Variants in CACNA1H observed in about 807,000 individuals in gnomAD.
The protein encoded by CACNA1H is calcium voltage-gated channel subunit alpha1 H, also known as voltage-dependent T-type calcium channel subunit alpha-1H.
CACNA1H carries 149 observed loss-of-function variants against 192.5 expected under a neutral mutation model. The ratio of observed to expected loss-of-function variants is 0.77; its 90% CI spans 0.68 to 0.89. The LOEUF (loss-of-function observed/expected upper bound fraction) is 0.89, where lower values mean the gene tolerates loss of function less well. CACNA1H is among the 40% of genes least tolerant of loss of function. The pLI is 0.00. For synonymous variants in CACNA1H, 2,202 were observed against 1,475.2 expected, an observed-to-expected ratio of 1.49 and a Z score of -11.29; for missense variants, 4,257 against 3,423.5, an observed-to-expected ratio of 1.24 and a Z score of -6.08.
Position 1,212,120 on chromosome 16 carries a change from C to G in CACNA1H, c.4741C>G (p.Leu1581Val), listed in dbSNP as rs755918582. The G allele has an allele frequency of 6.7e-5, 108 of 1,607,952 alleles. No individual in the cohort carries two copies. The Admixed American group carries it at 9.5e-4, about 14-fold the overall frequency. Residue 1581 changes from leucine (L) to valine (V), a missense_variant, in exon 25 of 35, where the codon CTA (leucine) becomes GTA (valine). Physicochemically the swap from Leu to Val is conservative, Grantham distance 32. Transcript: ENST00000348261. ...GCGAGAGGAGAAGCGGCTGCGGCGC[C>G]TAGAGAGGAGGCGCAGGAGTAAGGC... ...RRREEKRLRR[L>V]ERRRRSTFPS...
At chr16:1,205,035 T>C in intron 10 of CACNA1H, 79 bp from the exon 11 acceptor site, 1 of 887,870 alleles carries the variant, frequency 1.1e-6, no homozygotes, top group Admixed American at 4.1e-5. Context: ...GAGCCACGGG[T>C]GGGGGCCCCA....
At chr16:1,196,061 G>A (rs372302822) in intron 5 of CACNA1H, 38 bp downstream of exon 5, 2 of 1,520,766 alleles carry the variant, frequency 1.3e-6, no homozygotes, top group Non-Finnish European at 1.8e-6. Flanking sequence ...AGATCAACAG[G>A]CTTGCGTGTC....
chr16:1,215,857 G>A (rs1342717286), intron 30 of CACNA1H, among the ~76,000 whole-genome samples: 1 of 150,516 alleles, frequency 6.6e-6, no homozygotes, highest in African/African-American at 2.4e-5. Context: ...CGGGGGCCGT[G>A]GAGAGCCAGA....
chr16:1,220,972 G>C lies in CACNA1H; in HGVS notation c.7040G>C (p.Gly2347Ala), dbSNP rs1290830394. ...GSPSATPAPG[G>A]GADDPV is the part of the protein sequence containing the mutation. ...CCCTCAGCCACCCCTGCCCCAGGGGGTGGTGCAGATGACCCCGTGTAGCTC... is the reference window on the plus strand; with the variant it reads ...CCCTCAGCCACCCCTGCCCCAGGGGCTGGTGCAGATGACCCCGTGTAGCTC... The change falls in exon 35 of 35, where the codon GGT becomes GCT. Residue 2347 changes from glycine (G) to alanine (A), a missense_variant. Physicochemically the swap from Gly to Ala is moderately conservative, Grantham distance 60 (BLOSUM62 0). Transcript: ENST00000348261. 1 of 1,600,756 alleles carries C rather than the reference G, an allele frequency of 6.2e-7. No homozygotes were observed. The highest frequency in any genetic ancestry group is 8.5e-7 in the Non-Finnish European group (1 of 1,173,836).
At chr16:1,209,543 G>A (rs943183148) in intron 17 of CACNA1H, 131 bp downstream of exon 17, 25 of 1,135,216 alleles carry the variant, frequency 2.2e-5, no homozygotes, top group African/African-American at 2.1e-4. Context: ...AGAGAAGCAG[G>A]CCAGGCCAGG....
intron 2 of CACNA1H, among the ~76,000 whole-genome samples, chr16:1,172,479 G>T (rs1964465182): frequency 1.3e-5 from 2 of 152,114 alleles, no homozygotes; most frequent in South Asian, 4.1e-4. Context: ...GGGTGGTCGT[G>T]GGGTCCCCAG....
At position 1,209,375 on chromosome 16, in the gene CACNA1H, G is replaced by A. The variant is rs772473191; in HGVS notation, c.3707G>A (p.Arg1236His). Reference sequence around the variant, plus strand: ...TTCTTCCTGCGCATCGACAGCCACCGTGAGGATGCAGCCGAGCTTGACGAC... The same window carrying A: ...TTCTTCCTGCGCATCGACAGCCACCATGAGGATGCAGCCGAGCTTGACGAC... Reference protein sequence around the residue: ...SDFFLRIDSHREDAAELDDDS... With the variant: ...SDFFLRIDSHHEDAAELDDDS... Residue 1236 changes from arginine to histidine, a missense_variant, in exon 17 of 35, where the codon CGT (arginine) becomes CAT (histidine). Coordinates refer to ENST00000348261, the MANE Select transcript of CACNA1H (RefSeq NM_021098.3). 45 of 1,597,834 alleles carry A rather than the reference G, an allele frequency of 2.8e-5. No individual in the cohort carries two copies. The highest frequency in any genetic ancestry group is 3.3e-5 in the South Asian group (3 of 91,070).
intron 11 of CACNA1H, among the ~76,000 whole-genome samples, chr16:1,205,784 G>A (rs1004813188): frequency 5.3e-5 from 8 of 152,200 alleles, no homozygotes; most frequent in East Asian, 1.9e-4. Flanking sequence ...TGAGCAGAAC[G>A]GACAAGCCAG....
chr16:1,160,424 G>A (rs1016766902), intron 2 of CACNA1H, among the ~76,000 whole-genome samples: 5 of 152,164 alleles, frequency 3.3e-5, no homozygotes, highest in African/African-American at 4.8e-5. Flanking sequence ...CGGCCGCCTC[G>A]GTCAGAGATG....
chr16:1,167,330 G>C lies in CACNA1H; in HGVS notation c.299+13294G>C, dbSNP rs975461691. Among the ~76,000 whole-genome samples, 16 of 152,176 alleles carry C rather than the reference G, an allele frequency of 1.1e-4. No homozygotes were observed. The highest frequency in any genetic ancestry group is 2.4e-4 in the Non-Finnish European group (16 of 68,020). On this transcript the variant is annotated intron_variant, in intron 2 of 34. Coordinates refer to ENST00000348261, the MANE Select transcript of CACNA1H (RefSeq NM_021098.3). This position sits in a 1 kb window ranked among gnomAD's most constrained non-coding sequence, Gnocchi z 4.2. ...CCTTGGATTCCTGACACACGGGTGC[G>C]GGGGCGATATCGGCGCGGAGCGGGC... is the stretch of plus-strand genomic sequence containing the variant.
At chr16:1,170,675 G>A (rs546419725) in intron 2 of CACNA1H, among the ~76,000 whole-genome samples, 1 of 152,096 alleles carries the variant, frequency 6.6e-6, no homozygotes, top group African/African-American at 2.4e-5. Context: ...GGCCCTCCTC[G>A]TGCCCCCACG....
In CACNA1H at chr16:1,213,863, C is replaced by T. The variant is rs950281871; in HGVS notation, c.4861C>T (p.Leu1621Phe). The T allele has an allele frequency of 5.0e-6, 8 of 1,610,396 alleles. No individual in the cohort carries two copies. Among genetic ancestry groups the T allele is most frequent in the African/African-American group, 1.3e-5 (1 of 74,888 alleles). ...GCTGTGCACCAGCCACTATCTCGAC[C>T]TCTTCATCACCTTCATCATCTGTGT... ...HSLCTSHYLD[L>F]FITFIICVNV... is the part of the protein sequence containing the mutation. Residue 1621 changes from leucine to phenylalanine, a missense_variant, in exon 27 of 35, where the codon CTC becomes TTC. Leu to Phe is a conservative substitution (Grantham distance 22). Transcript: ENST00000348261.
chr16:1,213,357 C>T (rs1969680447), intron 26 of CACNA1H, among the ~76,000 whole-genome samples: 1 of 151,986 alleles, frequency 6.6e-6, no homozygotes, highest in South Asian at 2.1e-4. Flanking sequence ...GAGGCCCAGC[C>T]ACGTGCTGCG....
chr16:1,179,265 G>A (rs1965222692), intron 2 of CACNA1H, among the ~76,000 whole-genome samples: 1 of 148,848 alleles, frequency 6.7e-6, no homozygotes, highest in Non-Finnish European at 1.5e-5. Context: ...TTTGGCCTCA[G>A]GGGCTCCTGG....
rs1456163982 is a variant in CACNA1H, at chr16:1,201,532, C to T, written c.1213-131C>T. On this transcript the variant is annotated intron_variant, in intron 8 of 34. Transcript: ENST00000348261. ...AGCACTGAACACCGCAGCAGCCTGC[C>T]CATAGCAGGGCACCTCGCCCACTGT... The T allele has an allele frequency of 4.4e-6, 5 of 1,130,762 alleles. No individual in the cohort carries two copies. The Admixed American group carries it at 7.6e-5, about 17-fold the overall frequency. 70.0% of individuals were successfully genotyped at this position (1,130,762 alleles called of 1,614,324 possible). A position where few individuals can be genotyped will look rare whatever the true frequency, so the allele number is the denominator to read the frequency against.
intron 2 of CACNA1H, among the ~76,000 whole-genome samples, chr16:1,179,840 T>G (rs772782344): frequency 3.3e-5 from 5 of 150,882 alleles, no homozygotes; most frequent in Non-Finnish European, 7.4e-5. Context: ...GTTCAAGCGA[T>G]TCTCCTGCCT....
chr16:1,175,311 C>G (rs1007857012), intron 2 of CACNA1H, among the ~76,000 whole-genome samples: 1 of 152,180 alleles, frequency 6.6e-6, no homozygotes. Flanking sequence ...CTGCTGGGTT[C>G]TGGGGAGCCC....
rs1287905631 is a variant in CACNA1H, at chr16:1,219,976, C to A, written c.6049-5C>A. The A allele has an allele frequency of 1.5e-6, 2 of 1,303,964 alleles. No homozygotes were observed. The highest frequency in any genetic ancestry group is 3.0e-5 in the South Asian group (1 of 33,434). 80.8% of individuals were successfully genotyped at this position (1,303,964 alleles called of 1,614,324 possible). ...GCCCCTCACTTTGACTCTACGCCCC[C>A]ACAGGAGGCTGTGCACACCGATTCC... On this transcript the variant is annotated splice_polypyrimidine_tract_variant and splice_region_variant and intron_variant, in intron 34 of 34. Transcript: ENST00000348261.
chr16:1,171,182 G>T (rs1229092217), intron 2 of CACNA1H, among the ~76,000 whole-genome samples: 4 of 152,088 alleles, frequency 2.6e-5, no homozygotes, highest in Non-Finnish European at 5.9e-5. Context: ...GGAAGTCCCT[G>T]CCCTGCCCAG....
Sources: gnomAD v4.1 joint callset for allele counts (sites outside exome capture counted in the v4.1 genomes callset) on GRCh38, gnomAD v4.1.1 for gene constraint, Gnocchi (gnomAD v3.1) non-coding constraint, MANE v1.5 for transcripts, NCBI Gene and HGNC (gene_info 2026-07-23, HGNC 2026-07-21) for gene names.